Variants in ANKRD10 observed in about 807,000 individuals in gnomAD.
The protein encoded by ANKRD10 is ankyrin repeat domain 10.
ANKRD10 carries 14 observed loss-of-function variants against 27.0 expected under a neutral mutation model. That is an observed-to-expected ratio of 0.52 (90% CI 0.34 to 0.81). The LOEUF (loss-of-function observed/expected upper bound fraction) is 0.81, where lower values mean the gene tolerates loss of function less well. Ranked by LOEUF, ANKRD10 falls within the 40% of genes least tolerant of loss-of-function variation. The pLI is 0.01. For synonymous variants in ANKRD10, 250 were observed against 224.5 expected, an observed-to-expected ratio of 1.11 and a Z score of -1.01; for missense variants, 493 against 544.0, an observed-to-expected ratio of 0.91 and a Z score of 0.93.
intron 4 of ANKRD10, among the ~76,000 whole-genome samples, chr13:110,886,951 C>G (rs944683074): frequency 6.6e-6 from 1 of 152,204 alleles, no homozygotes; most frequent in African/African-American, 2.4e-5. Flanking sequence ...GGAAGACAGG[C>G]TTCTAGTACA....
chr13:110,881,870 C>G (rs535526376), intron 5 of ANKRD10, among the ~76,000 whole-genome samples: 6 of 152,308 alleles, frequency 3.9e-5, no homozygotes, highest in African/African-American at 1.4e-4. Context: ...TCTAATAAAA[C>G]TAAGCATAAC....
chr13:110,887,950 C>A (rs2064976177), intron 4 of ANKRD10, among the ~76,000 whole-genome samples: 2 of 152,354 alleles, frequency 1.3e-5, no homozygotes, highest in African/African-American at 2.4e-5. Flanking sequence ...TGGTTTCCCA[C>A]CAGCCATTAC....
intron 4 of ANKRD10, among the ~76,000 whole-genome samples, chr13:110,889,376 G>A (rs2065016990): frequency 6.6e-6 from 1 of 152,174 alleles, no homozygotes; most frequent in African/African-American, 2.4e-5. Context: ...AAAACAGACT[G>A]CTTAAGTAAC....
At chr13:110,889,306 C>T (rs1483251869) in intron 4 of ANKRD10, among the ~76,000 whole-genome samples, 2 of 146,760 alleles carry the variant, frequency 1.4e-5, no homozygotes, top group Non-Finnish European at 3.0e-5. Context: ...CTTCCTTGCA[C>T]CATCTAAAAT....
At chr13:110,881,115 C>T (rs1209541216) in intron 5 of ANKRD10, among the ~76,000 whole-genome samples, 3 of 152,214 alleles carry the variant, frequency 2.0e-5, no homozygotes, top group African/African-American at 7.2e-5. Context: ...CAGTAATATT[C>T]ATGTTCACAG....
rs2065133479 is a variant in ANKRD10 at position 110,893,347 on chromosome 13, A to T, written c.456-84T>A. 4.5e-6 allele frequency: 6 copies of T among 1,344,126 alleles called. No homozygotes were observed. The South Asian group carries it at 5.5e-5, about 12-fold the overall frequency. 83.3% of individuals were successfully genotyped at this position (1,344,126 alleles called of 1,614,324 possible). A position where few individuals can be genotyped will look rare whatever the true frequency, so the allele number is the denominator to read the frequency against. ...CCTGCTGAACTGACTAGCTATCTGA[A>T]GGTGGTATGAAAGAGTAAACAAATT... On this transcript the variant is annotated intron_variant, in intron 3 of 5. Transcript: ENST00000267339.
chr13:110,913,896 G>A (rs945389883), intron 1 of ANKRD10, among the ~76,000 whole-genome samples: 1 of 152,154 alleles, frequency 6.6e-6, no homozygotes, highest in African/African-American at 2.4e-5. Context: ...ATGAGGAAAC[G>A]GTAGCTATCC....
chr13:110,880,345 G>A (rs559122581), intron 5 of ANKRD10, among the ~76,000 whole-genome samples: 10 of 152,248 alleles, frequency 6.6e-5, no homozygotes, highest in Admixed American at 6.5e-5. Flanking sequence ...AGTAGCATCA[G>A]GTAGCTCAAC....
In ANKRD10 at chr13:110,914,693, G is replaced by A. The variant is rs756186309; in HGVS notation, c.210+32C>T. 359 of 1,539,088 alleles carry A rather than the reference G, an allele frequency of 2.3e-4. 1 individual carries two copies. The highest frequency in any genetic ancestry group is 2.2e-3 in the Middle Eastern group (12 of 5,544). On this transcript the variant is annotated intron_variant, in intron 1 of 5. Coordinates refer to ENST00000267339, the MANE Select transcript of ANKRD10 (RefSeq NM_017664.4). ...TCCCCGACTCCCACTGGACAGCCGG[G>A]GAAAATGGCGCCTTAAAGCGTTCGC...
At chr13:110,896,668 T>G (rs1429857143) in intron 3 of ANKRD10, among the ~76,000 whole-genome samples, 1 of 152,250 alleles carries the variant, frequency 6.6e-6, no homozygotes, top group Non-Finnish European at 1.5e-5. Flanking sequence ...AGACCATACA[T>G]TCTCAGTCCT....
intron 2 of ANKRD10, among the ~76,000 whole-genome samples, chr13:110,909,504 G>C (rs1286939782): frequency 6.6e-6 from 1 of 152,160 alleles, no homozygotes; most frequent in Admixed American, 6.5e-5. Flanking sequence ...GAGATGGAAG[G>C]AGAGAAGTGG....
At chr13:110,880,731 C>T (rs2064801075) in intron 5 of ANKRD10, among the ~76,000 whole-genome samples, 1 of 152,114 alleles carries the variant, frequency 6.6e-6, no homozygotes, top group African/African-American at 2.4e-5. Flanking sequence ...TTATTTTTTT[C>T]AGTAGCACAG....
At chr13:110,900,738 T>C (rs1433727583) in intron 3 of ANKRD10, 1 of 1,284,890 alleles carries the variant, frequency 7.8e-7, no homozygotes, top group Admixed American at 1.9e-5. Flanking sequence ...TTCAGAATCT[T>C]CTGTGTGATT....
At chr13:110,913,640 C>A (rs1268312941) in intron 1 of ANKRD10, among the ~76,000 whole-genome samples, 1 of 152,072 alleles carries the variant, frequency 6.6e-6, no homozygotes, top group African/African-American at 2.4e-5. Flanking sequence ...CAAGGTAAAC[C>A]GCAACTTCAT....
chr13:110,898,778 G>T (rs532415878), intron 3 of ANKRD10, among the ~76,000 whole-genome samples: 1 of 135,192 alleles, frequency 7.4e-6, no homozygotes, highest in Non-Finnish European at 1.6e-5. Context: ...TTTTTGAGAC[G>T]GAGTTTCACT....
intron 4 of ANKRD10, 121 bp from the exon 5 acceptor site, chr13:110,883,914 A>AAAAAAAAAAAAC: frequency 9.1e-7 from 1 of 1,096,636 alleles, no homozygotes. Context: ...ATAAAAAAAA[A>AAAAAAAAAAAAC]TCGACAGGTC....
intron 1 of ANKRD10, 186 bp downstream of exon 1, chr13:110,914,539 C>T: frequency 1.2e-6 from 1 of 811,204 alleles, no homozygotes; most frequent in Non-Finnish European, 1.6e-6. Flanking sequence ...CCGGCTGCCC[C>T]GCCGCGACTC....
chr13:110,904,254 A>C (rs1351042883), intron 3 of ANKRD10: 2 of 152,204 alleles, frequency 1.3e-5, no homozygotes, highest in East Asian at 1.9e-4. Flanking sequence ...CAGGGTCTTG[A>C]GTGGTGGCTC....
At chr13:110,899,009 A>T (rs1365469565) in intron 3 of ANKRD10, 1 of 152,080 alleles carries the variant, frequency 6.6e-6, no homozygotes, top group Non-Finnish European at 1.5e-5. Flanking sequence ...CACCCACCTC[A>T]GCCTCCCAAA....
Sources: gnomAD v4.1 joint callset for allele counts (sites outside exome capture counted in the v4.1 genomes callset) on GRCh38, gnomAD v4.1.1 for gene constraint, MANE v1.5 for transcripts, NCBI Gene and HGNC (gene_info 2026-07-23, HGNC 2026-07-21) for gene names.